Variants in DPF1 observed in about 807,000 individuals in gnomAD.
The protein encoded by DPF1 is zinc finger protein neuro-d4.
Under a neutral mutation model 58.7 loss-of-function variants are expected in DPF1, and 14 were observed. That is an observed-to-expected ratio of 0.24 (90% CI 0.16 to 0.37). The LOEUF is 0.37. DPF1 is among the 10% of genes least tolerant of loss of function. The probability of loss-of-function intolerance (pLI) is 1.00; values close to 1 mark genes in which losing one functional copy is unlikely to be tolerated. For synonymous variants in DPF1, 216 were observed against 216.0 expected (o/e 1.00, Z 0.00); for missense variants, 345 against 529.9 (o/e 0.65, Z 3.43).
intron 5 of DPF1, among the ~76,000 whole-genome samples, 195 bp from the exon 6 acceptor site, chr19:38,218,071 G>A (rs1268410074): frequency 2.0e-5 from 3 of 152,072 alleles, no homozygotes; most frequent in Non-Finnish European, 4.4e-5. Flanking sequence ...GCATGGTGGC[G>A]CGTGCCTGTA....
At chr19:38,214,121 G>A (rs981103942) in intron 9 of DPF1, 14 of 200,556 alleles carry the variant, frequency 7.0e-5, no homozygotes, top group African/African-American at 2.3e-4. Flanking sequence ...ACAGCAGAAC[G>A]GCCAGGGGTC....
intron 9 of DPF1, among the ~76,000 whole-genome samples, chr19:38,215,080 G>A (rs929099747): frequency 2.6e-5 from 4 of 151,074 alleles, no homozygotes; most frequent in African/African-American, 4.9e-5. Flanking sequence ...TGATCTGCTC[G>A]CCCCAGCCTC....
intron 3 of DPF1, among the ~76,000 whole-genome samples, chr19:38,220,595 G>A (rs1246593896): frequency 6.8e-6 from 1 of 146,858 alleles, no homozygotes; most frequent in Non-Finnish European, 1.5e-5. Context: ...CAGCCTGGGC[G>A]ACAGAGCAAG....
Position 38,213,652 on chromosome 19 carries a change from C to T in DPF1, c.1003G>A (p.Glu335Lys), listed in dbSNP as rs376075332. ...GGGCGGGCGGCACTCACGTCGTTCTCGGAGGTTCCGCACAGGCTGCAGGAT... is the reference window on the plus strand; with the variant it reads ...GGGCGGGCGGCACTCACGTCGTTCTTGGAGGTTCCGCACAGGCTGCAGGAT... Reference protein sequence around the residue: ...CKSCSLCGTSENDDQLLFCDD... With the variant: ...CKSCSLCGTSKNDDQLLFCDD... Residue 335 changes from glutamate to lysine, a missense_variant, in exon 10 of 12, where the codon GAG becomes AAG. By Grantham distance (56) the Glu-to-Lys change is moderately conservative. Coordinates refer to ENST00000355526, the MANE Select transcript of DPF1 (RefSeq NM_001135155.3). The T allele has an allele frequency of 3.1e-6, 5 of 1,612,806 alleles. No homozygotes were observed. Among genetic ancestry groups the T allele is most frequent in the Middle Eastern group, 1.6e-4 (1 of 6,070 alleles).
In DPF1 at chr19:38,218,664, T is replaced by A; in HGVS notation, c.427-2A>T. On this transcript the variant is annotated splice_acceptor_variant, in intron 4 of 11. Transcript: ENST00000355526. LOFTEE classifies it high-confidence loss of function. ...CGGAAACTCCAGCAACTGCTGTTTC[T>A]GGGCAATAGAGAAAGGAGACGGGTC... The A allele has an allele frequency of 1.9e-6, 3 of 1,614,220 alleles. No individual in the cohort carries two copies. Among genetic ancestry groups the A allele is most frequent in the Non-Finnish European group, 2.5e-6 (3 of 1,180,036 alleles).
In DPF1 at chr19:38,222,353, C is replaced by T. The variant is rs1967550092; in HGVS notation, c.298+4G>A. The stretch of plus-strand genomic sequence containing the variant: ...CCGATGGGGGCCCCAGCGGCTGCAC[C>T]CACCGATCTTGTACTCGCAGGGCCT... On this transcript the variant is annotated splice_donor_region_variant and intron_variant, in intron 3 of 11. Transcript: ENST00000355526. This position sits in a 1 kb window ranked among gnomAD's most constrained non-coding sequence, Gnocchi z 4.9. 6.3e-7 allele frequency: 1 copy of T among 1,589,488 alleles called. No individual in the cohort carries two copies. The highest frequency in any genetic ancestry group is 1.4e-5 in the African/African-American group (1 of 71,926).
At chr19:38,219,404 G>A (rs1967282021) in intron 3 of DPF1, 2 of 257,320 alleles carry the variant, frequency 7.8e-6, no homozygotes, top group Non-Finnish European at 1.5e-5. Context: ...ACTCGCAGAG[G>A]AGACACAGGG....
rs994329645 is a variant in DPF1, at chr19:38,224,217, C to A, written c.-75G>T. On this transcript the variant is annotated 5_prime_UTR_variant, in exon 1 of 12. Transcript: ENST00000355526. The surrounding 1 kb of genome is among the most constrained non-coding windows in gnomAD (Gnocchi z 4.5). The stretch of plus-strand genomic sequence containing the variant: ...CCAGCGGTCGGGCGGGCGCTGAGGC[C>A]GCCCATCCATTCATTCCCGGGGGGC... 2.9e-5 allele frequency: 38 copies of A among 1,316,130 alleles called. No homozygotes were observed. Among genetic ancestry groups the A allele is most frequent in the Non-Finnish European group, 3.6e-5 (37 of 1,031,936 alleles). 81.5% of individuals were successfully genotyped at this position (1,316,130 alleles called of 1,614,324 possible).
intron 3 of DPF1, 78 bp from the exon 4 acceptor site, chr19:38,219,136 C>A: frequency 1.9e-6 from 3 of 1,574,704 alleles, no homozygotes; most frequent in Non-Finnish European, 2.6e-6. Context: ...GTGGGGGGAC[C>A]ATGCTCTTTG....
At chr19:38,224,249 A>G (rs1220981457), upstream of DPF1, 2 of 1,267,420 alleles carry the variant, frequency 1.6e-6, no homozygotes, top group Non-Finnish European at 2.0e-6. The surrounding 1 kb of genome is among the most constrained non-coding windows in gnomAD (Gnocchi z 4.5). Context: ...GGGCGGGAGC[A>G]CGAGGGCCAC....
rs1377879243 is a variant in DPF1 at position 38,222,788 on chromosome 19, C to T, written c.30-80G>A. Reference sequence around the variant, plus strand: ...CGCCCAGCACCCCTTCCCCGGCTGCCGGGCCGCCCAGGCTCGGGAGGGGTG... The same window carrying T: ...CGCCCAGCACCCCTTCCCCGGCTGCTGGGCCGCCCAGGCTCGGGAGGGGTG... On this transcript the variant is annotated intron_variant, in intron 1 of 11. Transcript: ENST00000355526. This position sits in a 1 kb window ranked among gnomAD's most constrained non-coding sequence, Gnocchi z 4.9. 5.6e-6 allele frequency: 8 copies of T among 1,426,424 alleles called. No homozygotes were observed. The highest frequency in any genetic ancestry group is 7.3e-6 in the Non-Finnish European group (8 of 1,090,658). 88.4% of individuals were successfully genotyped at this position (1,426,424 alleles called of 1,614,324 possible). A position where few individuals can be genotyped will look rare whatever the true frequency, so the allele number is the denominator to read the frequency against.
At chr19:38,224,416 T>C (rs1472772322), upstream of DPF1, among the ~76,000 whole-genome samples, 1 of 152,100 alleles carries the variant, frequency 6.6e-6, no homozygotes, top group African/African-American at 2.4e-5. This position sits in a 1 kb window ranked among gnomAD's most constrained non-coding sequence, Gnocchi z 4.5. Flanking sequence ...CCACATATCC[T>C]GCTCTCGCGT....
upstream of DPF1, among the ~76,000 whole-genome samples, chr19:38,228,366 T>TG (rs1967912518): frequency 1.4e-5 from 2 of 140,758 alleles, no homozygotes; most frequent in African/African-American, 5.2e-5. Context: ...GTGGGTGGGG[T>TG]AGGGGGGCGC....
Position 38,213,623 on chromosome 19 carries a change from CG to C in DPF1, c.1011+20del. The C allele has an allele frequency of 6.2e-7, 1 of 1,602,246 alleles. No individual in the cohort carries two copies. ...CAGGCGGGGCGGGCAGCAGGGCACG[CG>C]GGGGGCGGGCGGCACTCACGTCGTT... On this transcript the variant is annotated intron_variant, in intron 10 of 11. Transcript: ENST00000355526.
chr19:38,221,885 C>T (rs1412886503), intron 3 of DPF1, among the ~76,000 whole-genome samples: 1 of 152,080 alleles, frequency 6.6e-6, no homozygotes, highest in Non-Finnish European at 1.5e-5. Context: ...AGTTCCAGAC[C>T]AGCCTGACCA....
At chr19:38,224,670 C>T (rs933411071), upstream of DPF1, among the ~76,000 whole-genome samples, 3 of 152,164 alleles carry the variant, frequency 2.0e-5, no homozygotes, top group Admixed American at 1.3e-4. This position sits in a 1 kb window ranked among gnomAD's most constrained non-coding sequence, Gnocchi z 4.5. Context: ...ACCCAAGTCC[C>T]TCCTGGCTCC....
At chr19:38,223,530 A>G (rs1967654823) in intron 1 of DPF1, among the ~76,000 whole-genome samples, 2 of 152,086 alleles carry the variant, frequency 1.3e-5, no homozygotes, top group Admixed American at 1.3e-4. Flanking sequence ...AGCCAAATCC[A>G]CCCATAGTCA....
chr19:38,224,054 C>G lies in DPF1; in HGVS notation c.29+60G>C. On this transcript the variant is annotated intron_variant, in intron 1 of 11. Transcript: ENST00000355526. The surrounding 1 kb of genome is among the most constrained non-coding windows in gnomAD (Gnocchi z 4.5). ...CGGCCCCACCCCCGGTCGCCACACACACACAGGCCCGCGTAGACCCGCCCG... is the reference window on the plus strand; with the variant it reads ...CGGCCCCACCCCCGGTCGCCACACAGACACAGGCCCGCGTAGACCCGCCCG... 6.8e-7 allele frequency: 1 copy of G among 1,470,786 alleles called. No homozygotes were observed. Among genetic ancestry groups the G allele is most frequent in the Non-Finnish European group, 8.9e-7 (1 of 1,122,572 alleles). 91.1% of individuals were successfully genotyped at this position (1,470,786 alleles called of 1,614,324 possible).
chr19:38,226,244 C>G (rs568506772), upstream of DPF1, among the ~76,000 whole-genome samples: 1 of 148,740 alleles, frequency 6.7e-6, no homozygotes, highest in African/African-American at 2.5e-5. Flanking sequence ...CCCCGTCCCC[C>G]CTCCCGTCTC....
Sources: gnomAD v4.1 joint callset for allele counts (sites outside exome capture counted in the v4.1 genomes callset) on GRCh38, gnomAD v4.1.1 for gene constraint, Gnocchi (gnomAD v3.1) non-coding constraint, MANE v1.5 for transcripts, NCBI Gene and HGNC (gene_info 2026-07-23, HGNC 2026-07-21) for gene names.